Variants in ZMPSTE24 observed in about 807,000 individuals in gnomAD.
The protein encoded by ZMPSTE24 is zinc metallopeptidase STE24.
ZMPSTE24 carries 48 observed loss-of-function variants against 56.7 expected under a neutral mutation model. The ratio of observed to expected loss-of-function variants is 0.85; its 90% CI spans 0.67 to 1.08. The LOEUF (loss-of-function observed/expected upper bound fraction) is 1.08, where lower values mean the gene tolerates loss of function less well. Among genes scored for constraint, ZMPSTE24 ranks in the 50% least tolerant of loss-of-function variants. The pLI is 0.00. For missense variants in ZMPSTE24, 503 were observed against 548.7 expected, an observed-to-expected ratio of 0.92 and a Z score of 0.83; for synonymous variants, 172 against 195.2, an observed-to-expected ratio of 0.88 and a Z score of 0.99.
chr1:40,278,114 A>C (rs1643689174), intron 6 of ZMPSTE24, among the ~76,000 whole-genome samples: 1 of 152,178 alleles, frequency 6.6e-6, no homozygotes, highest in Non-Finnish European at 1.5e-5. Context: ...AATGCAATAA[A>C]TAAATAATAG....
At chr1:40,287,748 T>C (rs1643802050) in intron 8 of ZMPSTE24, among the ~76,000 whole-genome samples, 1 of 151,828 alleles carries the variant, frequency 6.6e-6, no homozygotes, top group Admixed American at 6.6e-5. Context: ...ATCCCAATAA[T>C]GTTCCTCTTC....
At chr1:40,266,845 G>T (rs1643554419) in intron 2 of ZMPSTE24, among the ~76,000 whole-genome samples, 1 of 132,756 alleles carries the variant, frequency 7.5e-6, no homozygotes, top group Admixed American at 9.0e-5. Context: ...ATGGCCCACT[G>T]CAGCCTCGAC....
In ZMPSTE24 at chr1:40,258,405, A is replaced by G; in HGVS notation, c.123+11A>G. On this transcript the variant is annotated intron_variant, in intron 1 of 9. Transcript: ENST00000372759. ...CTAGCACAGCGGCAGGTGAGCCTAG[A>G]CAGGGTCCAACCTGACCCCCATACC... is the stretch of plus-strand genomic sequence containing the variant. 1.2e-6 allele frequency: 2 copies of G among 1,613,952 alleles called. No individual in the cohort carries two copies. Among genetic ancestry groups the G allele is most frequent in the Non-Finnish European group, 1.7e-6 (2 of 1,180,006 alleles).
chr1:40,273,790 C>T (rs1434853204), intron 6 of ZMPSTE24, among the ~76,000 whole-genome samples: 2 of 151,056 alleles, frequency 1.3e-5, no homozygotes, highest in Non-Finnish European at 2.9e-5. Context: ...GAAGGAGCAA[C>T]CTAAGTTGCT....
chr1:40,266,042 G>T (rs1204756100), intron 2 of ZMPSTE24, among the ~76,000 whole-genome samples: 2 of 152,148 alleles, frequency 1.3e-5, no homozygotes, highest in Non-Finnish European at 2.9e-5. Flanking sequence ...ACCAAATAAA[G>T]TTGAAGTCCA....
At chr1:40,288,573 G>A (rs1349045672) in intron 8 of ZMPSTE24, among the ~76,000 whole-genome samples, 1 of 152,096 alleles carries the variant, frequency 6.6e-6, no homozygotes, top group African/African-American at 2.4e-5. Context: ...TTGTCGCTGT[G>A]GCCACTCTAT....
At chr1:40,288,629 T>A (rs1171812457) in intron 8 of ZMPSTE24, among the ~76,000 whole-genome samples, 1 of 152,232 alleles carries the variant, frequency 6.6e-6, no homozygotes, top group Non-Finnish European at 1.5e-5. Context: ...AGAGAAAGGC[T>A]AGCTGACCTT....
At chr1:40,281,657 C>T (rs1643730840) in intron 7 of ZMPSTE24, 130 bp downstream of exon 7, 3 of 946,688 alleles carry the variant, frequency 3.2e-6, no homozygotes, top group Non-Finnish European at 4.9e-6. Flanking sequence ...AACCATGGCT[C>T]CTTTATAGTT....
intron 2 of ZMPSTE24, among the ~76,000 whole-genome samples, chr1:40,266,535 T>C (rs2124579619): frequency 6.6e-6 from 1 of 152,238 alleles, no homozygotes; most frequent in Non-Finnish European, 1.5e-5. Context: ...AGGAAGAGCC[T>C]TCTCCTGTGA....
chr1:40,280,313 G>C (rs1218345952), intron 6 of ZMPSTE24, among the ~76,000 whole-genome samples: 1 of 152,160 alleles, frequency 6.6e-6, no homozygotes, highest in Non-Finnish European at 1.5e-5. Flanking sequence ...CCACTGCGCT[G>C]TACGTTCGTT....
At chr1:40,276,895 T>C (rs1384168324) in intron 6 of ZMPSTE24, among the ~76,000 whole-genome samples, 1 of 152,216 alleles carries the variant, frequency 6.6e-6, no homozygotes, top group Non-Finnish European at 1.5e-5. Flanking sequence ...GAAAAGATAG[T>C]GTGCTCTGCT....
In ZMPSTE24 at chr1:40,271,927, C is replaced by T; in HGVS notation, c.661C>T (p.Pro221Ser). ...LVTIYADYIA[P>S]LFDKFTPLPE... is the part of the protein sequence containing the mutation. Reference sequence around the variant, plus strand: ...CACAATCTATGCTGATTATATTGCCCCTTTATTTGACAAATTCACACCTCT... The same window carrying T: ...CACAATCTATGCTGATTATATTGCCTCTTTATTTGACAAATTCACACCTCT... The change falls in exon 6 of 10, where the codon CCT becomes TCT. Residue 221 changes from proline (P) to serine (S), a missense_variant. Pro to Ser is a moderately conservative substitution (Grantham distance 74). Coordinates refer to ENST00000372759, the MANE Select transcript of ZMPSTE24 (RefSeq NM_005857.5). 6.2e-7 allele frequency: 1 copy of T among 1,613,404 alleles called. No homozygotes were observed. Among genetic ancestry groups the T allele is most frequent in the Non-Finnish European group, 8.5e-7 (1 of 1,179,672 alleles).
intron 6 of ZMPSTE24, among the ~76,000 whole-genome samples, chr1:40,280,550 G>T (rs899037220): frequency 1.3e-5 from 2 of 151,836 alleles, no homozygotes; most frequent in East Asian, 1.9e-4. Flanking sequence ...TCAGCCCCAC[G>T]TGTAGCTGGG....
intron 2 of ZMPSTE24, among the ~76,000 whole-genome samples, chr1:40,266,004 T>C (rs893525937): frequency 1.3e-5 from 2 of 152,164 alleles, no homozygotes; most frequent in Non-Finnish European, 2.9e-5. Context: ...TAATTTGTTA[T>C]AAACACTTTA....
chr1:40,268,438 T>C lies in ZMPSTE24; in HGVS notation c.377T>C (p.Phe126Ser), dbSNP rs373587516. The C allele has an allele frequency of 3.7e-6, 6 of 1,612,416 alleles. 1 individual carries two copies. In the South Asian group the frequency reaches 6.6e-5, roughly 18 times the overall value. ...GTTTAGATCACTCAGTCCCTGGTGT[T>C]TCTGCTGTTGGCTACACTTTTCAGT... ...PEYEITQSLV[F>S]LLLATLFSAL... Residue 126 changes from phenylalanine to serine, a missense_variant, in exon 4 of 10, where the codon TTT (phenylalanine) becomes TCT (serine). By Grantham distance (155) the Phe-to-Ser change is radical. Transcript: ENST00000372759.
At chr1:40,264,877 CAAAA>C (rs35889679) in intron 2 of ZMPSTE24, among the ~76,000 whole-genome samples, 20 of 53,264 alleles carry the variant, frequency 3.8e-4, no homozygotes, top group Non-Finnish European at 6.3e-4. Flanking sequence ...GATCCTGTCT[CAAAA>C]AAAAAAAAAA....
At chr1:40,269,843 A>G in intron 4 of ZMPSTE24, 132 bp from the exon 5 acceptor site, 1 of 1,039,758 alleles carries the variant, frequency 9.6e-7, no homozygotes. Context: ...GCCTAATGTC[A>G]TATAATATAG....
chr1:40,293,923 G>A lies in ZMPSTE24; in HGVS notation c.*1254G>A, dbSNP rs1227664065. 6.6e-6 allele frequency: 1 copy of A among 152,410 alleles called. No homozygotes were observed. The highest frequency in any genetic ancestry group is 1.5e-5 in the Non-Finnish European group (1 of 68,038). The allele number at this position is 152,410 out of a possible 1,614,324, so 9.4% of individuals were successfully genotyped here. ...AAGTGGGATCAACTGTACGCCTTTG[G>A]TATCTGACCATAAAGTCTTTTGCTC... is the stretch of plus-strand genomic sequence containing the variant. On this transcript the variant is annotated 3_prime_UTR_variant, in exon 10 of 10. Transcript: ENST00000372759.
chr1:40,270,142 T>A lies in ZMPSTE24; in HGVS notation c.627+15T>A, dbSNP rs1234202962. ...TTGTGTCTCTGGTGAGTAAAATCTT[T>A]ATTTCGTTTTCTTTTGCAAAAGTTC... is the stretch of plus-strand genomic sequence containing the variant. On this transcript the variant is annotated intron_variant, in intron 5 of 9. Coordinates refer to ENST00000372759, the MANE Select transcript of ZMPSTE24 (RefSeq NM_005857.5). The A allele has an allele frequency of 6.2e-7, 1 of 1,613,798 alleles. No individual in the cohort carries two copies. Among genetic ancestry groups the A allele is most frequent in the Admixed American group, 1.7e-5 (1 of 60,018 alleles).
Sources: allele counts gnomAD v4.1 joint callset (sites outside exome capture counted in the v4.1 genomes callset), GRCh38; gene constraint gnomAD v4.1.1; transcripts MANE v1.5; gene names NCBI Gene and HGNC (gene_info 2026-07-23, HGNC 2026-07-21).